Variants in THAP11 observed in about 807,000 individuals in gnomAD.
THAP11 encodes the protein THAP domain-containing protein 11.
A neutral mutation model predicts 24.1 loss-of-function variants in THAP11; 8 were observed. That is an observed-to-expected ratio of 0.33 (90% CI 0.20 to 0.60). The LOEUF (loss-of-function observed/expected upper bound fraction) is 0.60, where lower values mean the gene tolerates loss of function less well. Among genes scored for constraint, THAP11 ranks in the 20% least tolerant of loss-of-function variants. The pLI, the probability that THAP11 is intolerant of heterozygous loss-of-function variation, is 0.82. For synonymous variants in THAP11, 222 were observed against 180.2 expected (o/e 1.23, Z -1.86); for missense variants, 276 against 418.4 (o/e 0.66, Z 2.97).
rs754521545 is a variant in THAP11, at chr16:67,843,411, G to T, written c.857G>T (p.Arg286Leu). 2.7e-5 allele frequency: 43 copies of T among 1,613,932 alleles called. No homozygotes were observed. In the South Asian group the frequency reaches 4.6e-4, roughly 17 times the overall value. The stretch of plus-strand genomic sequence containing the variant: ...ATGAAAGGCAGCATTCGCCACCTGC[G>T]TCTCACTGAGGCCAAGCTGCGCGAA... ...KEMKGSIRHL[R>L]LTEAKLREEL... The change falls in exon 1 of 1, where the codon CGT (arginine) becomes CTT (leucine). Residue 286 changes from arginine to leucine, a missense_variant. By Grantham distance (102) the Arg-to-Leu change is moderately radical (BLOSUM62 -2). Coordinates refer to ENST00000303596, the MANE Select transcript of THAP11 (RefSeq NM_020457.3). The surrounding 1 kb of genome is among the most constrained non-coding windows in gnomAD (Gnocchi z 5.7).
At position 67,842,432 on chromosome 16, in the gene THAP11, T is replaced by C; in HGVS notation, c.-123T>C. The C allele has an allele frequency of 1.5e-6, 1 of 649,792 alleles. No individual in the cohort carries two copies. The highest frequency in any genetic ancestry group is 2.1e-6 in the Non-Finnish European group (1 of 473,080). The allele number at this position is 649,792 out of a possible 1,614,324, so 40.3% of individuals were successfully genotyped here. On this transcript the variant is annotated 5_prime_UTR_variant, in exon 1 of 1. Coordinates refer to ENST00000303596, the MANE Select transcript of THAP11 (RefSeq NM_020457.3). This position sits in a 1 kb window ranked among gnomAD's most constrained non-coding sequence, Gnocchi z 4.9. ...GCGGGCCGGCTGCGCCGAGCGGCAG[T>C]GGTGGGATACCACCCAAGGCCTCGC...
Position 67,842,512 on chromosome 16 carries a change from G to T in THAP11, c.-43G>T, listed in dbSNP as rs1383640215. On this transcript the variant is annotated 5_prime_UTR_variant, in exon 1 of 1. Transcript: ENST00000303596. This position sits in a 1 kb window ranked among gnomAD's most constrained non-coding sequence, Gnocchi z 4.9. ...GGCGTAGCCACTGGGCCGTCGAAGA[G>T]CGCAGGAGGCCGGTGGGCCGGGCCG... 1 of 1,459,396 alleles carries T rather than the reference G, an allele frequency of 6.9e-7. No individual in the cohort carries two copies. Among genetic ancestry groups the T allele is most frequent in the Admixed American group, 2.5e-5 (1 of 40,708 alleles). The allele number at this position is 1,459,396 out of a possible 1,614,324, so 90.4% of individuals were successfully genotyped here.
Position 67,843,643 on chromosome 16 carries a change from C to A in THAP11, c.*144C>A. 3 of 806,134 alleles carry A rather than the reference C, an allele frequency of 3.7e-6. No homozygotes were observed. The highest frequency in any genetic ancestry group is 5.8e-6 in the Non-Finnish European group (3 of 517,978). The allele number at this position is 806,134 out of a possible 1,614,324, so 49.9% of individuals were successfully genotyped here. On this transcript the variant is annotated 3_prime_UTR_variant, in exon 1 of 1. Transcript: ENST00000303596. The surrounding 1 kb of genome is among the most constrained non-coding windows in gnomAD (Gnocchi z 5.7). ...CTGGACTCTCTTGCTGGTGACCTGGCATCCTCAATTGTTTCCTCCTGAAGT... is the reference window on the plus strand; with the variant it reads ...CTGGACTCTCTTGCTGGTGACCTGGAATCCTCAATTGTTTCCTCCTGAAGT...
Position 67,843,297 on chromosome 16 carries a change from TGTC to T in THAP11, c.747_749del (p.Ser250del). ...ACTGGCTCCGACCATTCGTACTCCT[TGTC>T]GTCAGGCACCACGGAGGAGGAGCTC... is the stretch of plus-strand genomic sequence containing the variant. On this transcript the variant is annotated inframe_deletion, in exon 1 of 1. Transcript: ENST00000303596. This position sits in a 1 kb window ranked among gnomAD's most constrained non-coding sequence, Gnocchi z 5.7. 2 of 1,613,894 alleles carry T rather than the reference TGTC, an allele frequency of 1.2e-6. No homozygotes were observed. The highest frequency in any genetic ancestry group is 1.7e-6 in the Non-Finnish European group (2 of 1,180,016).
rs2057775946 is a variant in THAP11 at position 67,843,032 on chromosome 16, C to G, written c.478C>G (p.Leu160Val). The G allele has an allele frequency of 6.2e-7, 1 of 1,612,544 alleles. No individual in the cohort carries two copies. The highest frequency in any genetic ancestry group is 2.2e-5 in the East Asian group (1 of 44,890). ...TGCTTCCGCGGCCGTGCTTCTCACCCTTCAGGCCACTGTAGACAGCAGTCA... is the reference window on the plus strand; with the variant it reads ...TGCTTCCGCGGCCGTGCTTCTCACCGTTCAGGCCACTGTAGACAGCAGTCA... ...VSASAAVLLT[L>V]QATVDSSQAP... Residue 160 changes from leucine to valine, a missense_variant, in exon 1 of 1, where the codon CTT becomes GTT. Around this residue, in one of 3 missense-constraint regions of THAP11, gnomAD observed 210 missense variants for 203.4 expected, o/e 1.03. Coordinates refer to ENST00000303596, the MANE Select transcript of THAP11 (RefSeq NM_020457.3). The surrounding 1 kb of genome is among the most constrained non-coding windows in gnomAD (Gnocchi z 5.7).
chr16:67,843,159 C>T lies in THAP11; in HGVS notation c.605C>T (p.Ala202Val). ...GTGGAGTTTGCAGCCGCAGAGGGCG[C>T]AGCCGCTGCGGCCGCCGCGTCGGAG... The part of the protein sequence containing the change: ...VQVEFAAAEG[A>V]AAAAAASELQ... Residue 202 changes from alanine (A) to valine (V), a missense_variant, in exon 1 of 1, where the codon GCA becomes GTA. This residue lies in a region of THAP11 where 210 missense variants were observed against 203.4 expected (regional missense o/e 1.03). Transcript: ENST00000303596. The surrounding 1 kb of genome is among the most constrained non-coding windows in gnomAD (Gnocchi z 5.7). 1 of 1,609,498 alleles carries T rather than the reference C, an allele frequency of 6.2e-7. No homozygotes were observed. Among genetic ancestry groups the T allele is most frequent in the Non-Finnish European group, 8.5e-7 (1 of 1,179,392 alleles).
Position 67,843,201 on chromosome 16 carries a change from C to T in THAP11, c.647C>T (p.Ala216Val), listed in dbSNP as rs533382327. Residue 216 changes from alanine (A) to valine (V), a missense_variant, in exon 1 of 1, where the codon GCA becomes GTA. Transcript: ENST00000303596. The surrounding 1 kb of genome is among the most constrained non-coding windows in gnomAD (Gnocchi z 5.7). ...GCGTCGGAGTTACAGGCTGCTACCGCAGGGCTGGAGGCTGCCGAGTGCCCT... is the reference window on the plus strand; with the variant it reads ...GCGTCGGAGTTACAGGCTGCTACCGTAGGGCTGGAGGCTGCCGAGTGCCCT... ...AAASELQAAT[A>V]GLEAAECPMG... The T allele has an allele frequency of 3.2e-5, 52 of 1,611,596 alleles. No individual in the cohort carries two copies. The highest frequency in any genetic ancestry group is 4.2e-5 in the Non-Finnish European group (50 of 1,179,720).
chr16:67,842,605 G>A lies in THAP11; in HGVS notation c.51G>A (p.Arg17=), dbSNP rs769622165. 3.2e-6 allele frequency: 5 copies of A among 1,550,096 alleles called. No individual in the cohort carries two copies. The South Asian group carries it at 3.6e-5, about 11-fold the overall frequency. ...CAGGCTGCTACAACAACTCGCACCGGGACAAGGCGCTGCACTTCTACACGT... is the reference window on the plus strand; with the variant it reads ...CAGGCTGCTACAACAACTCGCACCGAGACAAGGCGCTGCACTTCTACACGT... ...CVPGCYNNSH[R]DKALHFYTFP... is the part of the protein sequence containing the mutation. Residue 17 remains arginine (R), a synonymous_variant, in exon 1 of 1, where the codon CGG becomes CGA. Transcript: ENST00000303596. This position sits in a 1 kb window ranked among gnomAD's most constrained non-coding sequence, Gnocchi z 4.9.
chr16:67,843,589 C>T lies in THAP11; in HGVS notation c.*90C>T. 7.4e-7 allele frequency: 1 copy of T among 1,343,838 alleles called. No individual in the cohort carries two copies. The highest frequency in any genetic ancestry group is 1.0e-6 in the Non-Finnish European group (1 of 985,494). The allele number at this position is 1,343,838 out of a possible 1,614,324, so 83.2% of individuals were successfully genotyped here. A position where few individuals can be genotyped will look rare whatever the true frequency, so the allele number is the denominator to read the frequency against. On this transcript the variant is annotated 3_prime_UTR_variant, in exon 1 of 1. Coordinates refer to ENST00000303596, the MANE Select transcript of THAP11 (RefSeq NM_020457.3). This position sits in a 1 kb window ranked among gnomAD's most constrained non-coding sequence, Gnocchi z 5.7. Reference sequence around the variant, plus strand: ...TTGAACTCCTCTATACTCCTGGGCACTGGTTGACAGTACTGAGGCTTAAGG... The same window carrying T: ...TTGAACTCCTCTATACTCCTGGGCATTGGTTGACAGTACTGAGGCTTAAGG...
At position 67,842,442 on chromosome 16, in the gene THAP11, C is replaced by T. The variant is rs1239108481; in HGVS notation, c.-113C>T. On this transcript the variant is annotated 5_prime_UTR_variant, in exon 1 of 1. Transcript: ENST00000303596. This position sits in a 1 kb window ranked among gnomAD's most constrained non-coding sequence, Gnocchi z 4.9. ...TGCGCCGAGCGGCAGTGGTGGGATA[C>T]CACCCAAGGCCTCGCGCGGCGCCGC... is the stretch of plus-strand genomic sequence containing the variant. The T allele has an allele frequency of 1.3e-5, 10 of 783,000 alleles. No homozygotes were observed. The highest frequency in any genetic ancestry group is 7.4e-5 in the African/African-American group (4 of 54,402). The allele number at this position is 783,000 out of a possible 1,614,324, so 48.5% of individuals were successfully genotyped here.
In THAP11 at chr16:67,842,935, G is replaced by C; in HGVS notation, c.381G>C (p.Gln127His). 1 of 1,607,276 alleles carries C rather than the reference G, an allele frequency of 6.2e-7. No homozygotes were observed. The part of the protein sequence containing the change: ...QQQQQQQQQQ[Q>H]QQQQQSSPSA... ...AGCAGCAGCAACAGCAGCAGCAGCA[G>C]CAGCAGCAGCAGCAGTCCTCACCCT... Residue 127 changes from glutamine to histidine, a missense_variant, in exon 1 of 1, where the codon CAG becomes CAC. Physicochemically the swap from Gln to His is conservative, Grantham distance 24 (BLOSUM62 0). Transcript: ENST00000303596. This position sits in a 1 kb window ranked among gnomAD's most constrained non-coding sequence, Gnocchi z 4.9.
In THAP11 at chr16:67,842,513, C is replaced by T. The variant is rs750779010; in HGVS notation, c.-42C>T. ...GCGTAGCCACTGGGCCGTCGAAGAG[C>T]GCAGGAGGCCGGTGGGCCGGGCCGG... On this transcript the variant is annotated 5_prime_UTR_variant, in exon 1 of 1. Transcript: ENST00000303596. This position sits in a 1 kb window ranked among gnomAD's most constrained non-coding sequence, Gnocchi z 4.9. The T allele has an allele frequency of 2.7e-6, 4 of 1,460,634 alleles. No individual in the cohort carries two copies. The highest frequency in any genetic ancestry group is 2.8e-5 in the African/African-American group (2 of 70,368). The allele number at this position is 1,460,634 out of a possible 1,614,324, so 90.5% of individuals were successfully genotyped here. A position where few individuals can be genotyped will look rare whatever the true frequency, so the allele number is the denominator to read the frequency against.
At position 67,842,929 on chromosome 16, in the gene THAP11, G is replaced by GCAGCAGCAA. The variant is rs1555494462; in HGVS notation, c.383_384insACAGCAGCA (p.Gln130_Gln132dup). Reference sequence around the variant, plus strand: ...AGCAGCAGCAGCAGCAACAGCAGCAGCAGCAGCAGCAGCAGCAGCAGTCCT... The same window carrying GCAGCAGCAA: ...AGCAGCAGCAGCAGCAACAGCAGCAGCAGCAGCAACAGCAGCAGCAGCAGCAGCAGTCCT... On this transcript the variant is annotated inframe_insertion, in exon 1 of 1. Coordinates refer to ENST00000303596, the MANE Select transcript of THAP11 (RefSeq NM_020457.3). The surrounding 1 kb of genome is among the most constrained non-coding windows in gnomAD (Gnocchi z 4.9). 6 of 1,590,590 alleles carry GCAGCAGCAA rather than the reference G, an allele frequency of 3.8e-6. No individual in the cohort carries two copies. The South Asian group carries it at 4.5e-5, about 12-fold the overall frequency.
rs2057774580 is a variant in THAP11, at chr16:67,842,928, AGC to A, written c.375_376del (p.Gln126AlafsTer113). Reference sequence around the variant, plus strand: ...CAGCAGCAGCAGCAGCAACAGCAGCAGCAGCAGCAGCAGCAGCAGCAGTCCTC... The same window carrying A: ...CAGCAGCAGCAGCAGCAACAGCAGCAAGCAGCAGCAGCAGCAGCAGTCCTC... On this transcript the variant is annotated frameshift_variant, in exon 1 of 1. Coordinates refer to ENST00000303596, the MANE Select transcript of THAP11 (RefSeq NM_020457.3). LOFTEE classifies it high-confidence loss of function. The surrounding 1 kb of genome is among the most constrained non-coding windows in gnomAD (Gnocchi z 4.9). 2.5e-6 allele frequency: 4 copies of A among 1,592,836 alleles called. No homozygotes were observed. The highest frequency in any genetic ancestry group is 1.7e-4 in the Middle Eastern group (1 of 5,996).
rs2057779355 is a variant in THAP11 at position 67,843,569 on chromosome 16, C to T, written c.*70C>T. 2.8e-6 allele frequency: 4 copies of T among 1,453,092 alleles called. No homozygotes were observed. Among genetic ancestry groups the T allele is most frequent in the Non-Finnish European group, 2.8e-6 (3 of 1,070,762 alleles). 90.0% of individuals were successfully genotyped at this position (1,453,092 alleles called of 1,614,324 possible). A position where few individuals can be genotyped will look rare whatever the true frequency, so the allele number is the denominator to read the frequency against. Reference sequence around the variant, plus strand: ...CAGGGGACCGCAGGCCATTGTTGAACTCCTCTATACTCCTGGGCACTGGTT... The same window carrying T: ...CAGGGGACCGCAGGCCATTGTTGAATTCCTCTATACTCCTGGGCACTGGTT... On this transcript the variant is annotated 3_prime_UTR_variant, in exon 1 of 1. Transcript: ENST00000303596. The surrounding 1 kb of genome is among the most constrained non-coding windows in gnomAD (Gnocchi z 5.7).
chr16:67,842,872 G>GCAA lies in THAP11; in HGVS notation c.321_323dup (p.Gln132dup). On this transcript the variant is annotated inframe_insertion, in exon 1 of 1. Transcript: ENST00000303596. This position sits in a 1 kb window ranked among gnomAD's most constrained non-coding sequence, Gnocchi z 4.9. ...CGGCCGCCCGCCGCAGGCAGCAGCAGCAACAGCAGCAGCAGCAGCAACAGC... is the reference window on the plus strand; with the variant it reads ...CGGCCGCCCGCCGCAGGCAGCAGCAGCAACAACAGCAGCAGCAGCAGCAACAGC... The GCAA allele has an allele frequency of 6.2e-7, 1 of 1,604,552 alleles. No individual in the cohort carries two copies. Among genetic ancestry groups the GCAA allele is most frequent in the African/African-American group, 1.3e-5 (1 of 74,372 alleles).
rs763532068 is a variant in THAP11 at position 67,842,635 on chromosome 16, A to C, written c.81A>C (p.Pro27=). The part of the protein sequence containing the change: ...RDKALHFYTF[P]KDAELRRLWL... ...AGGCGCTGCACTTCTACACGTTTCC[A>C]AAGGACGCTGAGTTGCGGCGCCTCT... The change falls in exon 1 of 1, where the codon CCA becomes CCC. Residue 27 remains proline (P), a synonymous_variant. Coordinates refer to ENST00000303596, the MANE Select transcript of THAP11 (RefSeq NM_020457.3). The surrounding 1 kb of genome is among the most constrained non-coding windows in gnomAD (Gnocchi z 4.9). 3 of 1,553,522 alleles carry C rather than the reference A, an allele frequency of 1.9e-6. No individual in the cohort carries two copies. The highest frequency in any genetic ancestry group is 2.4e-5 in the East Asian group (1 of 41,118).
rs766790991 is a variant in THAP11, at chr16:67,842,851, C to T, written c.297C>T (p.Ala99=). 23 of 1,606,924 alleles carry T rather than the reference C, an allele frequency of 1.4e-5. No individual in the cohort carries two copies. The highest frequency in any genetic ancestry group is 1.9e-5 in the Non-Finnish European group (22 of 1,178,620). The change falls in exon 1 of 1, where the codon GCC becomes GCT. Residue 99 remains alanine, a synonymous_variant. Transcript: ENST00000303596. The surrounding 1 kb of genome is among the most constrained non-coding windows in gnomAD (Gnocchi z 4.9). ...CGCGCAGACCCGCTGGGGCCGCGGC[C>T]GCCCGCCGCAGGCAGCAGCAGCAAC... is the stretch of plus-strand genomic sequence containing the variant. ...KVARRPAGAA[A]ARRRQQQQQQ... is the part of the protein sequence containing the mutation.
In THAP11 at chr16:67,843,376, G is replaced by A; in HGVS notation, c.822G>A (p.Lys274=). The change falls in exon 1 of 1, where the codon AAG becomes AAA. Residue 274 remains lysine, a synonymous_variant. Coordinates refer to ENST00000303596, the MANE Select transcript of THAP11 (RefSeq NM_020457.3). This position sits in a 1 kb window ranked among gnomAD's most constrained non-coding sequence, Gnocchi z 5.7. Reference sequence around the variant, plus strand: ...ACATCCTGGCTCTGATGGAAGTGAAGATGAAAGAGATGAAAGGCAGCATTC... The same window carrying A: ...ACATCCTGGCTCTGATGGAAGTGAAAATGAAAGAGATGAAAGGCAGCATTC... ...QRDILALMEV[K]MKEMKGSIRH... The A allele has an allele frequency of 1.2e-6, 2 of 1,613,988 alleles. No homozygotes were observed. Among genetic ancestry groups the A allele is most frequent in the Non-Finnish European group, 1.7e-6 (2 of 1,180,046 alleles).
Sources: gnomAD v4.1 joint callset for allele counts on GRCh38, gnomAD v4.1.1 for gene constraint, gnomAD v4.1.1 regional missense constraint, Gnocchi (gnomAD v3.1) non-coding constraint, MANE v1.5 for transcripts, NCBI Gene and HGNC (gene_info 2026-07-23, HGNC 2026-07-21) for gene names.